NRG1: variants seen among roughly 807,000 people sequenced by gnomAD.
NRG1 encodes neuregulin 1.
NRG1 carries 18 observed loss-of-function variants against 63.8 expected under a neutral mutation model. The observed-to-expected ratio is 0.28, with a 90% CI of 0.19 to 0.42. NRG1 has a LOEUF of 0.42. NRG1 is among the 10% of genes least tolerant of loss of function. The pLI is 1.00. For missense variants in NRG1, 762 were observed against 814.7 expected (o/e 0.94, Z 0.79); for synonymous variants, 302 against 301.3 (o/e 1.00, Z -0.02).
chr8:32,563,458 G>C (rs1242645565), intron 1 of NRG1, among the ~76,000 whole-genome samples: 1 of 152,148 alleles, frequency 6.6e-6, no homozygotes, highest in Non-Finnish European at 1.5e-5. Context: ...GTAGAAGATG[G>C]TAAGTATATT....
chr8:31,932,349 A>G (rs1353181723), intron 1 of NRG1, among the ~76,000 whole-genome samples: 3 of 152,202 alleles, frequency 2.0e-5, no homozygotes, highest in East Asian at 1.9e-4. Context: ...TATCCGATGT[A>G]TCTTATAGAA....
chr8:32,168,611 T>C (rs1460036931), intron 1 of NRG1, among the ~76,000 whole-genome samples: 1 of 152,216 alleles, frequency 6.6e-6, no homozygotes, highest in East Asian at 1.9e-4. Context: ...GAATGAATTT[T>C]AACAATTAAC....
At chr8:32,647,874 G>A (rs777026399) in intron 5 of NRG1, 1 of 1,614,072 alleles carries the variant, frequency 6.2e-7, no homozygotes, top group South Asian at 1.1e-5. Context: ...TGGACTCGTG[G>A]GCCTGGCCGT....
chr8:32,295,955 A>AAAG (rs1554500304), intron 1 of NRG1, among the ~76,000 whole-genome samples: 7 of 135,822 alleles, frequency 5.2e-5, no homozygotes, highest in East Asian at 2.1e-4. Flanking sequence ...AAAAAAAAAA[A>AAAG]AGAGAGAGAG....
chr8:32,388,823 T>G (rs13255939), intron 1 of NRG1, among the ~76,000 whole-genome samples: 51,467 of 151,714 alleles, frequency 0.34, 9,200 homozygotes, highest in Middle Eastern at 0.43. Flanking sequence ...AAGTTTTTTT[T>G]GGGGGGGAAA....
At chr8:32,672,943 A>G (rs1244140082) in intron 5 of NRG1, among the ~76,000 whole-genome samples, 1 of 152,212 alleles carries the variant, frequency 6.6e-6, no homozygotes, top group African/African-American at 2.4e-5. Context: ...TTTATAAGCC[A>G]CAAACAATGA....
intron 1 of NRG1, among the ~76,000 whole-genome samples, chr8:32,146,871 A>G (rs1052610975): frequency 6.6e-6 from 1 of 152,146 alleles, no homozygotes; most frequent in Non-Finnish European, 1.5e-5. Context: ...TAATTTCTCC[A>G]AAAAGCTGCC....
exon 12 of NRG1, chr8:32,766,348 TTGCTTTTTAAC>T (rs1388934117): frequency 6.6e-6 from 1 of 152,166 alleles, no homozygotes; most frequent in Non-Finnish European, 1.5e-5. Context: ...GTATCCTCAT[TTGCTTTTTAAC>T]CTACACTGAG....
At chr8:32,120,633 T>C (rs559883100) in intron 1 of NRG1, among the ~76,000 whole-genome samples, 3 of 152,100 alleles carry the variant, frequency 2.0e-5, no homozygotes, top group Non-Finnish European at 4.4e-5. Flanking sequence ...GTTTTTTTTA[T>C]TATTATAGTG....
At chr8:31,698,381 A>G (rs879325498) in intron 1 of NRG1, among the ~76,000 whole-genome samples, 2 of 152,188 alleles carry the variant, frequency 1.3e-5, no homozygotes, top group African/African-American at 2.4e-5. Context: ...GTGTGTTTTT[A>G]GCTAGCAAGG....
At position 32,638,978 on chromosome 8, in the gene NRG1, CT is replaced by C. The variant is rs570262130; in HGVS notation, c.502+22103del. ...GAAACTGCATATACTTTTATTTCTT[CT>C]TTTTTTTTTGTTCCCTTTGGTGCAA... On this transcript the variant is annotated intron_variant, in intron 5 of 11. Transcript: ENST00000356819. Among the ~76,000 whole-genome samples, 1,175 of 149,802 alleles carry C rather than the reference CT, an allele frequency of 7.8e-3. 6 individuals are homozygous for C. The highest frequency in any genetic ancestry group is 0.024 in the Middle Eastern group (7 of 286).
chr8:32,601,466 A>T (rs1230356682), intron 2 of NRG1, among the ~76,000 whole-genome samples: 1 of 152,164 alleles, frequency 6.6e-6, no homozygotes. Context: ...TTGAATGCTC[A>T]GAAAAGTGCT....
At chr8:31,740,991 G>A (rs1463813349) in intron 1 of NRG1, among the ~76,000 whole-genome samples, 1 of 151,988 alleles carries the variant, frequency 6.6e-6, no homozygotes, top group African/African-American at 2.4e-5. Context: ...ACAGTAGACT[G>A]GATAAAGAAA....
At chr8:32,079,061 A>G (rs1283465711) in intron 1 of NRG1, among the ~76,000 whole-genome samples, 1 of 152,078 alleles carries the variant, frequency 6.6e-6, no homozygotes, top group Non-Finnish European at 1.5e-5. Flanking sequence ...GGACAGGCAT[A>G]TGGAAAGAAG....
intron 1 of NRG1, among the ~76,000 whole-genome samples, chr8:32,178,215 G>A (rs1841015829): frequency 6.6e-6 from 1 of 151,986 alleles, no homozygotes; most frequent in Non-Finnish European, 1.5e-5. Context: ...TGAAACTAGA[G>A]GTAGAGTCAG....
intron 1 of NRG1, among the ~76,000 whole-genome samples, chr8:32,179,174 C>T (rs537079813): frequency 1.6e-5 from 2 of 125,056 alleles, no homozygotes; most frequent in Middle Eastern, 5.4e-3. Context: ...TTCTTCCCAA[C>T]GTCTCACAGT....
intron 1 of NRG1, among the ~76,000 whole-genome samples, chr8:32,033,528 T>C (rs1206229776): frequency 6.6e-6 from 1 of 152,204 alleles, no homozygotes; most frequent in East Asian, 1.9e-4. Flanking sequence ...AATCTATAAA[T>C]TACTTTGGGT....
chr8:31,856,626 C>T (rs544047780), intron 1 of NRG1, among the ~76,000 whole-genome samples: 1 of 152,204 alleles, frequency 6.6e-6, no homozygotes, highest in Non-Finnish European at 1.5e-5. Flanking sequence ...CAAAGTCATT[C>T]TCCATCCAGC....
At chr8:32,121,964 C>T (rs1463239227) in intron 1 of NRG1, among the ~76,000 whole-genome samples, 2 of 151,928 alleles carry the variant, frequency 1.3e-5, no homozygotes, top group Admixed American at 6.6e-5. Flanking sequence ...CCTCTATAGG[C>T]CAGGGAAGTT....
Sources: allele counts gnomAD v4.1 joint callset (sites outside exome capture counted in the v4.1 genomes callset), GRCh38; gene constraint gnomAD v4.1.1; transcripts MANE v1.5; gene names NCBI Gene and HGNC (gene_info 2026-07-23, HGNC 2026-07-21).